The following EP300 variants were observed in gnomAD, a reference collection of about 807,000 sequenced individuals.
The protein encoded by EP300 is histone acetyltransferase p300.
Under a neutral mutation model 264.0 loss-of-function variants are expected in EP300, and 31 were observed. The ratio of observed to expected loss-of-function variants is 0.12; its 90% CI spans 0.09 to 0.16. EP300 has a LOEUF of 0.16. EP300 is among the 10% of genes least tolerant of loss of function. EP300 has a pLI of 1.00. For synonymous variants in EP300, 1,340 were observed against 1,045.4 expected (o/e 1.28, Z -5.44); for missense variants, 2,766 against 3,052.9 (o/e 0.91, Z 2.21).
chr22:41,131,151 C>T (rs191466424), intron 5 of EP300, among the ~76,000 whole-genome samples: 1 of 152,206 alleles, frequency 6.6e-6, no homozygotes, highest in Admixed American at 6.5e-5. Flanking sequence ...ATTAATAAAG[C>T]CCTTTGGGAA....
intron 9 of EP300, 70 bp downstream of exon 9, chr22:41,140,327 C>G: frequency 1.9e-6 from 2 of 1,044,762 alleles, no homozygotes; most frequent in South Asian, 2.5e-5. Flanking sequence ...TCCTCTTTAG[C>G]ATGTACAAGT....
chr22:41,126,228 T>C, intron 3 of EP300, 188 bp downstream of exon 3: 1 of 626,572 alleles, frequency 1.6e-6, no homozygotes, highest in Non-Finnish European at 2.8e-6. Context: ...TTTTGTTCCA[T>C]GTGGTTATTG....
At chr22:41,167,278 T>C (rs1474235255) in intron 23 of EP300, among the ~76,000 whole-genome samples, 2 of 152,172 alleles carry the variant, frequency 1.3e-5, no homozygotes, top group African/African-American at 2.4e-5. Context: ...ATTACAGGCG[T>C]GAACCACCAT....
At chr22:41,093,152 T>C in intron 1 of EP300, 54 bp downstream of exon 1, 2 of 1,547,994 alleles carry the variant, frequency 1.3e-6, no homozygotes, top group Non-Finnish European at 8.9e-7. Context: ...TTCTACTCGG[T>C]GCGCCTTTAT....
intron 1 of EP300, among the ~76,000 whole-genome samples, chr22:41,115,975 A>G (rs1353638643): frequency 6.6e-6 from 1 of 152,184 alleles, no homozygotes; most frequent in African/African-American, 2.4e-5. Context: ...GTCTTTATGT[A>G]TTACAATATT....
chr22:41,105,599 A>G (rs1276220735), intron 1 of EP300, among the ~76,000 whole-genome samples: 1 of 151,942 alleles, frequency 6.6e-6, no homozygotes, highest in East Asian at 2.0e-4. Context: ...GGGTTTCACT[A>G]TGTTGGCCAG....
At chr22:41,160,314 C>A (rs1217477268) in intron 19 of EP300, 2 of 357,724 alleles carry the variant, frequency 5.6e-6, no homozygotes, top group Non-Finnish European at 1.1e-5. Context: ...GTTGTTCTGT[C>A]TTGCTTTTAT....
chr22:41,117,054 C>T, intron 1 of EP300, 133 bp from the exon 2 acceptor site: 1 of 830,516 alleles, frequency 1.2e-6, no homozygotes, highest in Non-Finnish European at 2.0e-6. Flanking sequence ...GAGTAAGACC[C>T]TGTCTCAAAT....
chr22:41,179,008 CTT>C lies in EP300; in HGVS notation c.*56_*57del, dbSNP rs768518444. 6.9e-6 allele frequency: 11 copies of C among 1,601,262 alleles called. No homozygotes were observed. Among genetic ancestry groups the C allele is most frequent in the African/African-American group, 5.4e-5 (4 of 74,698 alleles). ...AAAAAATTATTTTCTCTTAACAAGACTTTTTGTACTGAAAACAATTTTTTTGA... is the reference window on the plus strand; with the variant it reads ...AAAAAATTATTTTCTCTTAACAAGACTTTGTACTGAAAACAATTTTTTTGA... On this transcript the variant is annotated 3_prime_UTR_variant, in exon 31 of 31. Coordinates refer to ENST00000263253, the MANE Select transcript of EP300 (RefSeq NM_001429.4).
At chr22:41,121,145 C>CTTTTTT (rs1333981826) in intron 2 of EP300, among the ~76,000 whole-genome samples, 1 of 151,748 alleles carries the variant, frequency 6.6e-6, no homozygotes, top group Non-Finnish European at 1.5e-5. Context: ...CTCTACTTTT[C>CTTTTTT]TTTTTTCTTT....
Position 41,177,688 on chromosome 22 carries a change from C to A in EP300, c.5977C>A (p.Pro1993Thr). The A allele has an allele frequency of 6.2e-7, 1 of 1,613,766 alleles. No homozygotes were observed. The highest frequency in any genetic ancestry group is 8.5e-7 in the Non-Finnish European group (1 of 1,180,004). ...GMGPTGMQQQ[P>T]PWSQGGLPQP... ...GGGACCGACAGGGATGCAGCAACAG[C>A]CACCCTGGAGCCAAGGAGGATTGCC... Residue 1993 changes from proline to threonine, a missense_variant, in exon 31 of 31, where the codon CCA becomes ACA. Physicochemically the swap from Pro to Thr is conservative, Grantham distance 38 (BLOSUM62 -1). Coordinates refer to ENST00000263253, the MANE Select transcript of EP300 (RefSeq NM_001429.4).
chr22:41,107,398 CAAAT>C (rs1280627867), intron 1 of EP300, among the ~76,000 whole-genome samples: 11 of 143,490 alleles, frequency 7.7e-5, no homozygotes, highest in South Asian at 2.3e-4. Flanking sequence ...TGTGTTTACT[CAAAT>C]AATATGTGAG....
chr22:41,099,355 A>G (rs888647192), intron 1 of EP300, among the ~76,000 whole-genome samples: 1 of 152,164 alleles, frequency 6.6e-6, no homozygotes, highest in Non-Finnish European at 1.5e-5. Context: ...TCGTGGATAT[A>G]CAGTAGTCCC....
chr22:41,125,506 C>T (rs565223305), intron 2 of EP300, among the ~76,000 whole-genome samples: 1 of 151,962 alleles, frequency 6.6e-6, no homozygotes, highest in Non-Finnish European at 1.5e-5. Flanking sequence ...CCTCAAGAAA[C>T]CCTCCTGCCT....
Position 41,179,216 on chromosome 22 carries a change from G to A in EP300, c.*260G>A. ...CCCTTTGTGTGTGTGGTTCAAGTGTGCACTGGGAGGAGGCTGAGGCCTGTG... is the reference window on the plus strand; with the variant it reads ...CCCTTTGTGTGTGTGGTTCAAGTGTACACTGGGAGGAGGCTGAGGCCTGTG... On this transcript the variant is annotated 3_prime_UTR_variant, in exon 31 of 31. Coordinates refer to ENST00000263253, the MANE Select transcript of EP300 (RefSeq NM_001429.4). 1 of 499,654 alleles carries A rather than the reference G, an allele frequency of 2.0e-6. No individual in the cohort carries two copies. Among genetic ancestry groups the A allele is most frequent in the Non-Finnish European group, 3.6e-6 (1 of 280,390 alleles). 31.0% of individuals were successfully genotyped at this position (499,654 alleles called of 1,614,324 possible).
At chr22:41,174,115 A>C (rs1201437909) in intron 29 of EP300, among the ~76,000 whole-genome samples, 1 of 149,886 alleles carries the variant, frequency 6.7e-6, no homozygotes, top group Non-Finnish European at 1.5e-5. Context: ...CACCTCAGAA[A>C]AAGAAATAAG....
At chr22:41,111,853 T>A (rs533706026) in intron 1 of EP300, among the ~76,000 whole-genome samples, 1 of 150,010 alleles carries the variant, frequency 6.7e-6, no homozygotes, top group East Asian at 2.0e-4. Flanking sequence ...TTCTCTTTTT[T>A]TTTCTTTTTT....
At chr22:41,149,702 T>A in intron 13 of EP300, 59 bp from the exon 14 acceptor site, 8 of 1,542,170 alleles carry the variant, frequency 5.2e-6, no homozygotes, top group Non-Finnish European at 7.2e-6. Flanking sequence ...CATGCCTATG[T>A]AAGTATTTCC....
chr22:41,110,385 C>T (rs972996338), intron 1 of EP300, among the ~76,000 whole-genome samples: 6 of 128,496 alleles, frequency 4.7e-5, no homozygotes, highest in African/African-American at 2.9e-5. Context: ...CTCCACCTCT[C>T]GGGTTCAACT....
Sources: allele counts gnomAD v4.1 joint callset (sites outside exome capture counted in the v4.1 genomes callset), GRCh38; gene constraint gnomAD v4.1.1; transcripts MANE v1.5; gene names NCBI Gene and HGNC (gene_info 2026-07-23, HGNC 2026-07-21).